APPBP2: variants seen among roughly 807,000 people sequenced by gnomAD.
APPBP2 encodes amyloid protein-binding protein 2.
A neutral mutation model predicts 76.0 loss-of-function variants in APPBP2; 15 were observed. The observed-to-expected ratio is 0.20, with a 90% CI of 0.13 to 0.30. The LOEUF (loss-of-function observed/expected upper bound fraction) is 0.30, where lower values mean the gene tolerates loss of function less well. APPBP2 is among the 10% of genes least tolerant of loss of function. The probability of loss-of-function intolerance (pLI) is 1.00; values close to 1 mark genes in which losing one functional copy is unlikely to be tolerated. For synonymous variants in APPBP2, 222 were observed against 242.2 expected, an observed-to-expected ratio of 0.92 and a Z score of 0.77; for missense variants, 401 against 687.2, an observed-to-expected ratio of 0.58 and a Z score of 4.66.
intron 4 of APPBP2, among the ~76,000 whole-genome samples, chr17:60,470,171 CTATCTTTTCATGTGCT>C (rs550562844): frequency 9.2e-5 from 14 of 152,204 alleles, no homozygotes; most frequent in Admixed American, 2.0e-4. Flanking sequence ...CTGAATGACA[CTATCTTTTCATGTGCT>C]TATCTTTTCA....
At chr17:60,484,974 T>C (rs999448273) in intron 3 of APPBP2, among the ~76,000 whole-genome samples, 2 of 152,196 alleles carry the variant, frequency 1.3e-5, no homozygotes, top group Admixed American at 1.3e-4. Context: ...CATGTGGTTT[T>C]TGTCTTTGGT....
chr17:60,458,634 C>T (rs936592543), intron 9 of APPBP2, among the ~76,000 whole-genome samples: 10 of 152,132 alleles, frequency 6.6e-5, no homozygotes, highest in African/African-American at 1.9e-4. Context: ...CTATAGAAAA[C>T]ACATGAATGA....
At chr17:60,488,998 G>T (rs901426078) in intron 3 of APPBP2, among the ~76,000 whole-genome samples, 4 of 146,854 alleles carry the variant, frequency 2.7e-5, no homozygotes, top group Non-Finnish European at 4.5e-5. Context: ...TGAGCTGGGT[G>T]GATCACGAAG....
chr17:60,525,893 G>A lies in APPBP2; in HGVS notation c.39C>T (p.Leu13=), dbSNP rs149526749. 3.3e-5 allele frequency: 54 copies of A among 1,613,932 alleles called. No homozygotes were observed. The highest frequency in any genetic ancestry group is 1.6e-4 in the Middle Eastern group (1 of 6,082). ...CGACAGCGGAGATGGCGGTGTTATAGAGAGTCTCTGGGATCCACTCTAGTT... is the reference window on the plus strand; with the variant it reads ...CGACAGCGGAGATGGCGGTGTTATAAAGAGTCTCTGGGATCCACTCTAGTT... ...AVELEWIPET[L]YNTAISAVVD... The change falls in exon 1 of 13, where the codon CTC becomes CTT. Residue 13 remains leucine, a synonymous_variant. Coordinates refer to ENST00000083182, the MANE Select transcript of APPBP2 (RefSeq NM_006380.5).
chr17:60,498,371 A>G (rs1418589002), intron 2 of APPBP2, among the ~76,000 whole-genome samples: 1 of 152,128 alleles, frequency 6.6e-6, no homozygotes, highest in African/African-American at 2.4e-5. Context: ...TATATTCTCT[A>G]TGATGCTGGC....
intron 5 of APPBP2, 92 bp downstream of exon 5, chr17:60,466,199 T>A (rs1235271505): frequency 1.6e-6 from 2 of 1,242,974 alleles, no homozygotes; most frequent in East Asian, 4.7e-5. Context: ...GTAAAAGAGA[T>A]CTGTAAGAAA....
At chr17:60,459,489 C>CT (rs35042120) in intron 9 of APPBP2, 5,860 of 116,018 alleles carry the variant, frequency 0.051, 324 homozygotes, top group East Asian at 0.18. Flanking sequence ...GTTGTAGTCC[C>CT]TTTTTTTTTT....
At chr17:60,495,359 A>G (rs1455937794) in intron 2 of APPBP2, among the ~76,000 whole-genome samples, 1 of 152,000 alleles carries the variant, frequency 6.6e-6, no homozygotes, top group Non-Finnish European at 1.5e-5. Flanking sequence ...CAACATCATT[A>G]ATGATTAGGG....
At chr17:60,510,352 A>C (rs1307944694) in intron 1 of APPBP2, among the ~76,000 whole-genome samples, 1 of 152,120 alleles carries the variant, frequency 6.6e-6, no homozygotes, top group East Asian at 1.9e-4. Flanking sequence ...GCAGTGAGTC[A>C]TGATTATACC....
chr17:60,449,421 G>A (rs79877421), intron 12 of APPBP2, among the ~76,000 whole-genome samples: 2,286 of 152,194 alleles, frequency 0.015, 48 homozygotes, highest in African/African-American at 0.051. Flanking sequence ...GCAAAACCTT[G>A]CCTCTACTAA....
chr17:60,490,709 G>A (rs1328623896), intron 3 of APPBP2, among the ~76,000 whole-genome samples: 1 of 152,116 alleles, frequency 6.6e-6, no homozygotes, highest in Non-Finnish European at 1.5e-5. Flanking sequence ...GGGACCTGGT[G>A]GGAGATAACT....
chr17:60,472,395 C>A (rs550962150), intron 4 of APPBP2, among the ~76,000 whole-genome samples: 1 of 151,972 alleles, frequency 6.6e-6, no homozygotes, highest in African/African-American at 2.4e-5. Flanking sequence ...GTAAATTGTC[C>A]ATTTCTAAAA....
intron 2 of APPBP2, among the ~76,000 whole-genome samples, chr17:60,497,771 CTA>C (rs2090788536): frequency 6.6e-6 from 1 of 152,012 alleles, no homozygotes; most frequent in African/African-American, 2.4e-5. Flanking sequence ...TTTTGTGAAA[CTA>C]TATTCTTATT....
chr17:60,451,053 A>C (rs1454367531), intron 12 of APPBP2, among the ~76,000 whole-genome samples: 1 of 152,224 alleles, frequency 6.6e-6, no homozygotes, highest in African/African-American at 2.4e-5. Context: ...TGGAAATCCA[A>C]ATGTTCCAAA....
intron 1 of APPBP2, among the ~76,000 whole-genome samples, chr17:60,503,235 T>A (rs1179594280): frequency 6.9e-6 from 1 of 145,230 alleles, no homozygotes; most frequent in Admixed American, 6.7e-5. Flanking sequence ...ATGGTCTCGA[T>A]TTCTTGACCT....
rs1166332596 is a variant in APPBP2 at position 60,446,997 on chromosome 17, G to A, written c.*584C>T. Reference sequence around the variant, plus strand: ...AGATCAACACTGGTCCAGTTCAGATGAATCTGACAGTCCTTTCCTTGTAAT... The same window carrying A: ...AGATCAACACTGGTCCAGTTCAGATAAATCTGACAGTCCTTTCCTTGTAAT... On this transcript the variant is annotated 3_prime_UTR_variant, in exon 13 of 13. Coordinates refer to ENST00000083182, the MANE Select transcript of APPBP2 (RefSeq NM_006380.5). The A allele has an allele frequency of 6.6e-6, 1 of 152,558 alleles. No individual in the cohort carries two copies. The highest frequency in any genetic ancestry group is 1.9e-4 in the East Asian group (1 of 5,192). 9.5% of individuals were successfully genotyped at this position (152,558 alleles called of 1,614,324 possible).
chr17:60,481,017 T>C (rs1054919249), intron 3 of APPBP2, among the ~76,000 whole-genome samples: 10 of 152,090 alleles, frequency 6.6e-5, no homozygotes, highest in African/African-American at 2.4e-4. Flanking sequence ...TTCACAGCAC[T>C]CCATCAAACA....
chr17:60,499,699 T>C (rs2090806890), intron 2 of APPBP2, among the ~76,000 whole-genome samples: 2 of 152,164 alleles, frequency 1.3e-5, no homozygotes, highest in African/African-American at 2.4e-5. Context: ...AAACAAAATG[T>C]GGTATATGCA....
At chr17:60,463,370 A>C (rs1308203148) in intron 6 of APPBP2, among the ~76,000 whole-genome samples, 1 of 152,182 alleles carries the variant, frequency 6.6e-6, no homozygotes. Flanking sequence ...CTGTAATCCT[A>C]GAACTTTTGG....
Sources: gnomAD v4.1 joint callset for allele counts (sites outside exome capture counted in the v4.1 genomes callset) on GRCh38, gnomAD v4.1.1 for gene constraint, MANE v1.5 for transcripts, NCBI Gene and HGNC (gene_info 2026-07-23, HGNC 2026-07-21) for gene names.